PTER: variants seen among roughly 807,000 people sequenced by gnomAD.
PTER encodes the protein phosphotriesterase related.
PTER carries 38 observed loss-of-function variants against 29.6 expected under a neutral mutation model. That is an observed-to-expected ratio of 1.28 (90% confidence interval 0.99 to 1.68). The LOEUF (loss-of-function observed/expected upper bound fraction) is 1.68, where lower values mean the gene tolerates loss of function less well. PTER is among the 40% of genes most tolerant of loss of function. The pLI is 0.00. For missense variants in PTER, 482 were observed against 427.8 expected (o/e 1.13, Z -1.12); for synonymous variants, 172 against 154.5 (o/e 1.11, Z -0.84).
At position 16,502,717 on chromosome 10, in the gene PTER, G is replaced by A. The variant is rs570134626; in HGVS notation, c.699-2303G>A. On this transcript the variant is annotated intron_variant, in intron 3 of 4. Transcript: ENST00000535784. ...TATAAGAAAAGCTTTGATCAGGTGC[G>A]GTGGCTCACACCTGTAATCCCAGGA... Among the ~76,000 whole-genome samples the A allele has an allele frequency of 5.3e-5, 8 of 152,124 alleles. No individual in the cohort carries two copies. In the South Asian group the frequency reaches 6.2e-4, roughly 12 times the overall value.
At chr10:16,503,692 C>T (rs78769534) in intron 3 of PTER, among the ~76,000 whole-genome samples, 7,616 of 152,236 alleles carry the variant, frequency 0.05, 333 homozygotes, top group East Asian at 0.15. Flanking sequence ...AGGTGTGAGC[C>T]ACCACACCCA....
intron 1 of PTER, among the ~76,000 whole-genome samples, chr10:16,455,462 A>G (rs1452567406): frequency 1.3e-5 from 2 of 152,114 alleles, no homozygotes; most frequent in Non-Finnish European, 2.9e-5. Flanking sequence ...AGACCGAGTC[A>G]GGAGGATCGT....
chr10:16,463,986 C>T (rs917827758), intron 1 of PTER, among the ~76,000 whole-genome samples: 4 of 152,180 alleles, frequency 2.6e-5, no homozygotes, highest in Admixed American at 6.5e-5. Context: ...TCCGACGGTC[C>T]GGTCTTCCAC....
chr10:16,477,258 CGATAGATAGATAGATA>C (rs56294482), intron 1 of PTER, among the ~76,000 whole-genome samples: 71 of 148,004 alleles, frequency 4.8e-4, no homozygotes, highest in Non-Finnish European at 8.0e-4. Context: ...TTCTGTCTTT[CGATAGATAGATAGATA>C]GATAGATAGA....
Position 16,512,346 on chromosome 10 carries a change from G to A in PTER, c.*1090G>A, listed in dbSNP as rs1234442294. The A allele has an allele frequency of 6.6e-6, 1 of 152,046 alleles. No homozygotes were observed. The highest frequency in any genetic ancestry group is 1.9e-4 in the East Asian group (1 of 5,188). 9.4% of individuals were successfully genotyped at this position (152,046 alleles called of 1,614,324 possible). On this transcript the variant is annotated 3_prime_UTR_variant, in exon 5 of 5. Transcript: ENST00000535784. ...GGTTGAATCCTCACTATGCTATTTG[G>A]TACCTAAAAATATTCTCCAAACCCT...
At chr10:16,446,764 TTTTG>T (rs370830532) in intron 1 of PTER, among the ~76,000 whole-genome samples, 2,858 of 152,002 alleles carry the variant, frequency 0.019, 87 homozygotes, top group African/African-American at 0.063. Context: ...TGTAAGACAT[TTTTG>T]TTTGTTTGTT....
chr10:16,494,332 G>C (rs191649028), intron 3 of PTER, among the ~76,000 whole-genome samples: 1 of 152,230 alleles, frequency 6.6e-6, no homozygotes, highest in Non-Finnish European at 1.5e-5. Flanking sequence ...TTTTGCTTAA[G>C]CCTACACTTA....
chr10:16,440,785 G>C (rs768275867), intron 1 of PTER, among the ~76,000 whole-genome samples: 1 of 152,232 alleles, frequency 6.6e-6, no homozygotes, highest in Non-Finnish European at 1.5e-5. Flanking sequence ...TGTGTTAGAC[G>C]TATTCGATGA....
intron 1 of PTER, among the ~76,000 whole-genome samples, chr10:16,446,305 A>G (rs1834010938): frequency 6.7e-6 from 1 of 149,454 alleles, no homozygotes; most frequent in African/African-American, 2.5e-5. Context: ...AACCTCCACC[A>G]CCTCCCGGGT....
intron 3 of PTER, among the ~76,000 whole-genome samples, chr10:16,498,142 T>A (rs1836183785): frequency 2.0e-5 from 3 of 152,252 alleles, no homozygotes; most frequent in Admixed American, 2.0e-4. Context: ...TCATCCACCT[T>A]GAAGATGGGA....
At chr10:16,508,539 G>T (rs79001164) in intron 4 of PTER, among the ~76,000 whole-genome samples, 2,131 of 152,210 alleles carry the variant, frequency 0.014, 42 homozygotes, top group African/African-American at 0.048. Context: ...AGGGGCATCT[G>T]TGAAGGAGAT....
chr10:16,449,362 G>C (rs1008178654), intron 1 of PTER, among the ~76,000 whole-genome samples: 2 of 151,396 alleles, frequency 1.3e-5, no homozygotes, highest in Admixed American at 1.3e-4. Flanking sequence ...TTTCAGACCT[G>C]AGCTAAAACT....
chr10:16,494,426 T>C (rs1235388459), intron 3 of PTER, among the ~76,000 whole-genome samples: 1 of 152,192 alleles, frequency 6.6e-6, no homozygotes, highest in Non-Finnish European at 1.5e-5. Context: ...GTCAGAGAAC[T>C]GAATAAGTGA....
chr10:16,442,287 T>C (rs1441947786), intron 1 of PTER, among the ~76,000 whole-genome samples: 2 of 152,240 alleles, frequency 1.3e-5, no homozygotes, highest in African/African-American at 4.8e-5. Context: ...TGTTTATGCC[T>C]TGACAATTCG....
chr10:16,477,584 A>T (rs780223735), intron 1 of PTER, among the ~76,000 whole-genome samples: 2 of 152,176 alleles, frequency 1.3e-5, no homozygotes, highest in African/African-American at 2.4e-5. Context: ...TCACTGATGC[A>T]TGGATGCCAT....
Position 16,484,761 on chromosome 10 carries a change from G to T in PTER, c.377G>T (p.Gly126Val), listed in dbSNP as rs771938039. The T allele has an allele frequency of 6.4e-5, 103 of 1,613,408 alleles. 1 individual carries two copies. The highest frequency in any genetic ancestry group is 8.0e-5 in the Non-Finnish European group (94 of 1,179,870). Residue 126 changes from glycine (G) to valine (V), a missense_variant, in exon 2 of 5, where the codon GGG becomes GTG. By Grantham distance (109) the Gly-to-Val change is moderately radical (BLOSUM62 -3). Coordinates refer to ENST00000535784, the MANE Select transcript of PTER (RefSeq NM_001261836.2). ...GGCGTCCATATCATATCTGGAGCCG[G>T]GTTTTATGTGGATGCAACTCACTCC... ...ETGVHIISGA[G>V]FYVDATHSSE... is the part of the protein sequence containing the mutation.
chr10:16,511,061 G>A lies in PTER; in HGVS notation c.855G>A (p.Val285=). Residue 285 remains valine (V), a synonymous_variant, in exon 5 of 5, where the codon GTG becomes GTA. Transcript: ENST00000535784. The part of the protein sequence containing the change: ...NKRIRRVRLL[V]EEGCEDRILV... The stretch of plus-strand genomic sequence containing the variant: ...TTTTTCACAGGGTGCGTCTCCTGGT[G>A]GAAGAGGGCTGTGAAGATCGAATTC... The A allele has an allele frequency of 6.2e-7, 1 of 1,613,310 alleles. No individual in the cohort carries two copies.
downstream of PTER, among the ~76,000 whole-genome samples, chr10:16,517,590 G>A (rs45558034): frequency 0.078 from 11,796 of 152,094 alleles, 490 homozygotes; most frequent in African/African-American, 0.096. Flanking sequence ...TATTTGAGTT[G>A]AACTTTTACC....
At chr10:16,462,139 C>A (rs1366892886) in intron 1 of PTER, among the ~76,000 whole-genome samples, 1 of 152,086 alleles carries the variant, frequency 6.6e-6, no homozygotes, top group South Asian at 2.1e-4. Context: ...GCGCCTGCCA[C>A]TACGCCTGGC....
Sources: allele counts gnomAD v4.1 joint callset (sites outside exome capture counted in the v4.1 genomes callset), GRCh38; gene constraint gnomAD v4.1.1; transcripts MANE v1.5; gene names NCBI Gene and HGNC (gene_info 2026-07-23, HGNC 2026-07-21).